Variants in SMG6 observed in about 807,000 individuals in gnomAD.
SMG6 encodes telomerase-binding protein EST1A.
Under a neutral mutation model 142.2 loss-of-function variants are expected in SMG6, and 66 were observed. That is an observed-to-expected ratio of 0.46 (90% CI 0.38 to 0.57). SMG6 has a LOEUF of 0.57. Among genes scored for constraint, SMG6 ranks in the 20% least tolerant of loss-of-function variants. The probability of loss-of-function intolerance (pLI) is 0.00; values close to 1 mark genes in which losing one functional copy is unlikely to be tolerated. For missense variants in SMG6, 1,793 were observed against 1,832.0 expected (o/e 0.98, Z 0.39); for synonymous variants, 779 against 702.4 (o/e 1.11, Z -1.72).
chr17:2,185,368 C>T (rs1359475434), intron 12 of SMG6, among the ~76,000 whole-genome samples: 1 of 151,952 alleles, frequency 6.6e-6, no homozygotes, highest in East Asian at 1.9e-4. Flanking sequence ...CGGACACAAC[C>T]CAGACACAGA....
chr17:2,230,218 A>AAAAAAAAAAAAAAAAAAAAAAAAAAAAC (rs2073438977), intron 10 of SMG6, among the ~76,000 whole-genome samples: 1 of 55,604 alleles, frequency 1.8e-5, no homozygotes, highest in African/African-American at 7.1e-5. Context: ...AAAAAAAAAA[A>AAAAAAAAAAAAAAAAAAAAAAAAAAAAC]AAAGGAAAAG....
chr17:2,295,702 T>C (rs751983436), intron 4 of SMG6, among the ~76,000 whole-genome samples: 16 of 152,170 alleles, frequency 1.1e-4, no homozygotes, highest in Non-Finnish European at 1.8e-4. Flanking sequence ...TGTATCATGA[T>C]GACTCATGAA....
intron 13 of SMG6, among the ~76,000 whole-genome samples, chr17:2,096,267 G>A (rs186270530): frequency 2.1e-3 from 322 of 152,108 alleles, no homozygotes; most frequent in Admixed American, 4.7e-3. Context: ...GCAGTGGCGC[G>A]ATCTCGGCTC....
chr17:2,252,141 C>G (rs749917013), intron 8 of SMG6, among the ~76,000 whole-genome samples: 1 of 151,626 alleles, frequency 6.6e-6, no homozygotes, highest in Non-Finnish European at 1.5e-5. Flanking sequence ...AGGCCGGGCA[C>G]GGTGGCTCAC....
chr17:2,224,032 A>G (rs1193164547), intron 10 of SMG6, among the ~76,000 whole-genome samples: 1 of 152,214 alleles, frequency 6.6e-6, no homozygotes, highest in African/African-American at 2.4e-5. Flanking sequence ...CATTCTCCCA[A>G]TCAAACAGCT....
rs1170944465 is a variant in SMG6, at chr17:2,063,993, C to G, written c.4129+1080G>C. 2.0e-5 allele frequency among the ~76,000 whole-genome samples: 3 copies of G among 152,150 alleles called. No homozygotes were observed. The East Asian group carries it at 5.8e-4, about 29-fold the overall frequency. On this transcript the variant is annotated intron_variant, in intron 18 of 18. Coordinates refer to ENST00000263073, the MANE Select transcript of SMG6 (RefSeq NM_017575.5). ...TGCAAACCTGGTGGCAGGACAGGAC[C>G]TCTCTTGAGTAGCGGCTGTGGGCTC...
At chr17:2,133,457 G>A (rs1435696971) in intron 13 of SMG6, among the ~76,000 whole-genome samples, 1 of 152,062 alleles carries the variant, frequency 6.6e-6, no homozygotes, top group Non-Finnish European at 1.5e-5. Context: ...ACACCTCCTG[G>A]AGCAGAGTTT....
intron 8 of SMG6, among the ~76,000 whole-genome samples, chr17:2,277,156 TATTTATTTA>T (rs555135547): frequency 0.029 from 2,524 of 86,496 alleles, 50 homozygotes; most frequent in African/African-American, 0.08. Flanking sequence ...TTTATTTATT[TATTTATTTA>T]TTTTTTATTT....
intron 12 of SMG6, among the ~76,000 whole-genome samples, chr17:2,173,956 C>T (rs966399169): frequency 3.3e-5 from 5 of 149,914 alleles, no homozygotes; most frequent in African/African-American, 7.4e-5. Flanking sequence ...CAGGAAAGCA[C>T]CTAACCAGGA....
At chr17:2,217,296 G>T (rs1402674932) in intron 10 of SMG6, among the ~76,000 whole-genome samples, 1 of 151,830 alleles carries the variant, frequency 6.6e-6, no homozygotes, top group Non-Finnish European at 1.5e-5. Flanking sequence ...AGAGAAAAAA[G>T]AAAATTTAAA....
In SMG6 at chr17:2,266,021, T is replaced by C. The variant is rs930665632; in HGVS notation, c.2661+16626A>G. On this transcript the variant is annotated intron_variant, in intron 8 of 18. Transcript: ENST00000263073. ...GGTGCTTTAGGTTTTCTTCTGAATG[T>C]TCATTTTCAAACACTTTACCAGGAA... 2.1e-5 allele frequency: 21 copies of C among 985,314 alleles called. No individual in the cohort carries two copies. The African/African-American group carries it at 3.7e-4, about 17-fold the overall frequency. 61.0% of individuals were successfully genotyped at this position (985,314 alleles called of 1,614,324 possible). A position where few individuals can be genotyped will look rare whatever the true frequency, so the allele number is the denominator to read the frequency against.
chr17:2,261,856 T>C (rs902486840), intron 8 of SMG6, among the ~76,000 whole-genome samples: 1 of 152,226 alleles, frequency 6.6e-6, no homozygotes. Flanking sequence ...ATTCAACCTT[T>C]TGACATATGT....
At chr17:2,232,623 A>G (rs1471029687) in intron 10 of SMG6, 1 of 152,124 alleles carries the variant, frequency 6.6e-6, no homozygotes, top group African/African-American at 2.4e-5. Flanking sequence ...CAACTACCTG[A>G]GTGTGCAGTA....
chr17:2,078,512 C>G (rs909439142), intron 15 of SMG6, among the ~76,000 whole-genome samples: 3 of 151,070 alleles, frequency 2.0e-5, no homozygotes, highest in Non-Finnish European at 4.4e-5. Context: ...GCTGGGATTA[C>G]AGGCACCCGC....
chr17:2,111,498 A>G (rs1301967530), intron 13 of SMG6, among the ~76,000 whole-genome samples: 2 of 152,010 alleles, frequency 1.3e-5, no homozygotes, highest in Non-Finnish European at 2.9e-5. Context: ...TGCAGCCTCG[A>G]CCTCCTGGGC....
intron 8 of SMG6, among the ~76,000 whole-genome samples, chr17:2,277,158 TTTATTTA>T (rs1159555077): frequency 6.6e-5 from 4 of 60,904 alleles, no homozygotes; most frequent in African/African-American, 1.5e-4. Context: ...TATTTATTTA[TTTATTTA>T]TTTTTTATTT....
intron 13 of SMG6, among the ~76,000 whole-genome samples, chr17:2,126,248 G>T (rs972640465): frequency 3.3e-5 from 5 of 152,046 alleles, no homozygotes; most frequent in Non-Finnish European, 7.4e-5. Context: ...ATATTCACAT[G>T]CAAAAGAATG....
At chr17:2,084,209 C>A (rs1025671682) in intron 14 of SMG6, among the ~76,000 whole-genome samples, 2 of 152,234 alleles carry the variant, frequency 1.3e-5, no homozygotes, top group South Asian at 2.1e-4. Flanking sequence ...CCTGAAAGTG[C>A]GGGTGAAAGA....
intron 13 of SMG6, among the ~76,000 whole-genome samples, chr17:2,119,700 T>C (rs977103428): frequency 4.6e-5 from 7 of 151,784 alleles, no homozygotes; most frequent in African/African-American, 1.7e-4. Flanking sequence ...CTTGCTCTGT[T>C]GCCCAGGCTG....
Sources: allele counts gnomAD v4.1 joint callset (sites outside exome capture counted in the v4.1 genomes callset), GRCh38; gene constraint gnomAD v4.1.1; transcripts MANE v1.5; gene names NCBI Gene and HGNC (gene_info 2026-07-23, HGNC 2026-07-21).